Variants in CSMD1 observed in about 807,000 individuals in gnomAD.
The protein encoded by CSMD1 is CUB and sushi domain-containing protein 1.
In CSMD1, 213 loss-of-function variants were observed where a neutral mutation model predicts 417.5. That is an observed-to-expected ratio of 0.51 (90% CI 0.46 to 0.57). CSMD1 has a LOEUF of 0.57. Among genes scored for constraint, CSMD1 ranks in the 20% least tolerant of loss-of-function variants. The pLI is 0.00. For synonymous variants in CSMD1, 2,862 were observed against 1,736.8 expected (o/e 1.65, Z -16.11); for missense variants, 6,923 against 4,529.7 (o/e 1.53, Z -15.17).
intron 1 of CSMD1, among the ~76,000 whole-genome samples, chr8:4,824,065 C>T (rs548193447): frequency 3.5e-5 from 5 of 143,982 alleles, no homozygotes; most frequent in Non-Finnish European, 7.6e-5. Context: ...CATACTTGCA[C>T]ATACACAAAT....
At chr8:3,954,242 G>C (rs1434463416) in intron 5 of CSMD1, among the ~76,000 whole-genome samples, 1 of 152,230 alleles carries the variant, frequency 6.6e-6, no homozygotes, top group Non-Finnish European at 1.5e-5. Context: ...GTCCAGAGCA[G>C]GAGTGGAAGT....
rs569279275 is a variant in CSMD1, at chr8:4,992,518, G to C, written c.85+1814C>G. On this transcript the variant is annotated intron_variant, in intron 1 of 69. Transcript: ENST00000635120. The stretch of plus-strand genomic sequence containing the variant: ...GAAGTTTTGCGGAGTTGCGTGGCAG[G>C]TGTTTCCTCTCCACGCAGGGGCTCG... Among the ~76,000 whole-genome samples the C allele has an allele frequency of 2.5e-3, 382 of 152,292 alleles. 3 individuals are homozygous for C. Among genetic ancestry groups the C allele is most frequent in the African/African-American group, 8.8e-3 (365 of 41,574 alleles).
intron 1 of CSMD1, among the ~76,000 whole-genome samples, chr8:4,958,436 G>A (rs140968126): frequency 6.6e-6 from 1 of 152,226 alleles, no homozygotes; most frequent in African/African-American, 2.4e-5. Flanking sequence ...AAAGGTAGAT[G>A]AAGGTTAAAA....
chr8:4,198,930 A>G (rs531836366), intron 3 of CSMD1, among the ~76,000 whole-genome samples: 1 of 145,804 alleles, frequency 6.9e-6, no homozygotes, highest in Non-Finnish European at 1.5e-5. Context: ...TTTTTTTTGT[A>G]TTTCCGTGTG....
chr8:4,123,825 G>C (rs1011518039), intron 3 of CSMD1, among the ~76,000 whole-genome samples: 6 of 152,080 alleles, frequency 3.9e-5, no homozygotes, highest in African/African-American at 1.4e-4. Context: ...GTTCAAGTGA[G>C]GACCTATAGA....
At chr8:3,484,781 T>G (rs1229620756) in intron 11 of CSMD1, among the ~76,000 whole-genome samples, 2 of 152,168 alleles carry the variant, frequency 1.3e-5, no homozygotes, top group African/African-American at 4.8e-5. Context: ...ACTTAGACAT[T>G]TTGCCAAAGA....
At chr8:3,813,583 T>G (rs537403080) in intron 5 of CSMD1, among the ~76,000 whole-genome samples, 3 of 152,160 alleles carry the variant, frequency 2.0e-5, no homozygotes, top group Non-Finnish European at 2.9e-5. Flanking sequence ...TAACAAGAAT[T>G]TTAAGATATT....
chr8:3,286,872 G>C (rs1354764247), intron 25 of CSMD1, among the ~76,000 whole-genome samples: 1 of 151,992 alleles, frequency 6.6e-6, no homozygotes, highest in African/African-American at 2.4e-5. Context: ...CATTGCTTTT[G>C]GTGTTTTAGA....
intron 49 of CSMD1, among the ~76,000 whole-genome samples, chr8:3,078,972 G>A (rs567981787): frequency 6.6e-6 from 1 of 152,212 alleles, no homozygotes; most frequent in Admixed American, 6.5e-5. Context: ...TCAAAACGGG[G>A]GGGAGCACCT....
At chr8:3,685,938 G>C (rs563115565) in intron 7 of CSMD1, among the ~76,000 whole-genome samples, 3 of 152,024 alleles carry the variant, frequency 2.0e-5, no homozygotes, top group South Asian at 2.1e-4. Flanking sequence ...ATTTTTAAAA[G>C]TACAATTATT....
intron 8 of CSMD1, among the ~76,000 whole-genome samples, chr8:3,597,578 C>G (rs546915032): frequency 1.3e-5 from 2 of 152,280 alleles, no homozygotes; most frequent in South Asian, 4.1e-4. Flanking sequence ...ATTTCCATAT[C>G]ATACTTCTTA....
intron 4 of CSMD1, among the ~76,000 whole-genome samples, chr8:4,026,482 C>G (rs963360609): frequency 3.9e-5 from 6 of 152,112 alleles, no homozygotes; most frequent in Non-Finnish European, 8.8e-5. Context: ...TTTTAAAGAT[C>G]CTCCAATTAA....
chr8:3,897,864 T>C (rs889916115), intron 5 of CSMD1, among the ~76,000 whole-genome samples: 23 of 152,300 alleles, frequency 1.5e-4, no homozygotes, highest in Admixed American at 1.1e-3. Context: ...CTGCTTCTTA[T>C]AGCCTATGGA....
intron 1 of CSMD1, among the ~76,000 whole-genome samples, chr8:4,954,115 T>G (rs1335542748): frequency 1.3e-5 from 2 of 150,728 alleles, no homozygotes; most frequent in Non-Finnish European, 3.0e-5. Context: ...AAACACATTA[T>G]TTTATTTCTA....
intron 10 of CSMD1, among the ~76,000 whole-genome samples, chr8:3,548,659 T>TACATACACACAC (rs1554465270): frequency 7.5e-6 from 1 of 133,002 alleles, no homozygotes; most frequent in Non-Finnish European, 1.6e-5. Context: ...TATTCCATCA[T>TACATACACACAC]ACACACACAC....
At chr8:4,202,627 T>G (rs1294752144) in intron 3 of CSMD1, among the ~76,000 whole-genome samples, 2 of 152,216 alleles carry the variant, frequency 1.3e-5, no homozygotes, top group Admixed American at 6.5e-5. Context: ...TGGTGGATAT[T>G]GTAAATTTCC....
chr8:4,580,539 A>C (rs1263469321), intron 2 of CSMD1, among the ~76,000 whole-genome samples: 1 of 152,158 alleles, frequency 6.6e-6, no homozygotes, highest in Non-Finnish European at 1.5e-5. Context: ...TCCCAGCTTG[A>C]GTTGTTCCCC....
At chr8:3,933,526 C>A (rs369690201) in intron 5 of CSMD1, among the ~76,000 whole-genome samples, 1 of 152,086 alleles carries the variant, frequency 6.6e-6, no homozygotes, top group Admixed American at 6.6e-5. Context: ...AGTCTGCAGG[C>A]CTTTGAGAAG....
At chr8:4,511,980 A>G (rs921279831) in intron 2 of CSMD1, among the ~76,000 whole-genome samples, 16 of 152,184 alleles carry the variant, frequency 1.1e-4, no homozygotes, top group Admixed American at 8.5e-4. Flanking sequence ...AGACAGAGGC[A>G]TTCCAAAAAA....
Sources: allele counts gnomAD v4.1 joint callset (sites outside exome capture counted in the v4.1 genomes callset), GRCh38; gene constraint gnomAD v4.1.1; transcripts MANE v1.5; gene names NCBI Gene and HGNC (gene_info 2026-07-23, HGNC 2026-07-21).